The following MRPL9 variants were observed in gnomAD, a reference collection of about 807,000 sequenced individuals.
The protein encoded by MRPL9 is large ribosomal subunit protein bL9m.
MRPL9 carries 25 observed loss-of-function variants against 27.6 expected under a neutral mutation model. The observed-to-expected ratio is 0.91, with a 90% CI of 0.66 to 1.27. The LOEUF (loss-of-function observed/expected upper bound fraction) is 1.27, where lower values mean the gene tolerates loss of function less well. Ranked by LOEUF, MRPL9 falls within the 50% of genes most tolerant of loss-of-function variation. MRPL9 has a pLI of 0.00. For synonymous variants in MRPL9, 154 were observed against 139.0 expected (o/e 1.11, Z -0.76); for missense variants, 362 against 338.0 (o/e 1.07, Z -0.56).
rs753071099 is a variant in MRPL9 at position 151,763,071 on chromosome 1, G to A, written c.229C>T (p.His77Tyr). 2 of 1,614,110 alleles carry A rather than the reference G, an allele frequency of 1.2e-6. No individual in the cohort carries two copies. Reference protein sequence around the residue: ...EGRKPRLHRRHRVYKLVEDTK... With the variant: ...EGRKPRLHRRYRVYKLVEDTK... ...TCCTCCACCAGCTTATAGACGCGAT[G>A]TCGCCGGTGCAGGCGCGGCTTCCGG... The change falls in exon 2 of 7, where the codon CAT becomes TAT. Residue 77 changes from histidine (H) to tyrosine (Y), a missense_variant. Physicochemically the swap from His to Tyr is moderately conservative, Grantham distance 83 (BLOSUM62 2). Transcript: ENST00000368830.
At chr1:151,760,783 G>T in intron 6 of MRPL9, 33 bp downstream of exon 6, 2 of 1,528,182 alleles carry the variant, frequency 1.3e-6, no homozygotes, top group Non-Finnish European at 8.8e-7. Flanking sequence ...AAAGGAGAAA[G>T]AAAAGAAAAA....
At position 151,760,134 on chromosome 1, in the gene MRPL9, A is replaced by C. The variant is rs144013605; in HGVS notation, c.720T>G (p.Phe240Leu). The C allele has an allele frequency of 7.4e-6, 12 of 1,614,052 alleles. No homozygotes were observed. The highest frequency in any genetic ancestry group is 1.0e-5 in the Non-Finnish European group (12 of 1,180,038). The change falls in exon 7 of 7, where the codon TTT (phenylalanine) becomes TTG (leucine). Residue 240 changes from phenylalanine to leucine, a missense_variant. Transcript: ENST00000368830. ...TATATCTTTTGGTCTTGGGCTTCTC[A>C]AAGTTCACGACAGACATAGGCACTC... Reference protein sequence around the residue: ...TVRVPMSVVNFEKPKTKRYKY... With the variant: ...TVRVPMSVVNLEKPKTKRYKY...
At chr1:151,761,021 G>T in intron 5 of MRPL9, 122 bp from the exon 6 acceptor site, 1 of 859,300 alleles carries the variant, frequency 1.2e-6, no homozygotes, top group Non-Finnish European at 1.7e-6. Flanking sequence ...GAATAAAACT[G>T]GGGTGTCTAC....
chr1:151,763,451 C>A lies in MRPL9; in HGVS notation c.29G>T (p.Gly10Val). The change falls in exon 1 of 7, where the codon GGC (glycine) becomes GTC (valine). Residue 10 changes from glycine (G) to valine (V), a missense_variant. Transcript: ENST00000368830. ...AGCGCCCGCCCGCAGCAGAGCTCTG[C>A]CCGGGGCCGTGACAACGGGCGCCGC... MAAPVVTAP[G>V]RALLRAGAGR... 1 of 1,573,558 alleles carries A rather than the reference C, an allele frequency of 6.4e-7. No homozygotes were observed. The highest frequency in any genetic ancestry group is 1.2e-5 in the South Asian group (1 of 86,352).
In MRPL9 at chr1:151,760,879, TG is replaced by T; in HGVS notation, c.608del (p.Pro203HisfsTer4). The T allele has an allele frequency of 6.6e-7, 1 of 1,520,158 alleles. No individual in the cohort carries two copies. The allele number at this position is 1,520,158 out of a possible 1,614,324, so 94.2% of individuals were successfully genotyped here. On this transcript the variant is annotated frameshift_variant, in exon 6 of 7. Transcript: ENST00000368830. LOFTEE classifies it high-confidence loss of function. Reference sequence around the variant, plus strand: ...GCTCTTCTGGTAACTTTAATGTATGTGGGGCAACCACAACACCAAGCTGCAA... The same window carrying T: ...GCTCTTCTGGTAACTTTAATGTATGTGGGCAACCACAACACCAAGCTGCAA... ...FFKNLGVVVA[P>X]HTLKLPEEPI...
In MRPL9 at chr1:151,760,262, T is replaced by C. The variant is rs552675370; in HGVS notation, c.673-81A>G. 40 of 1,567,524 alleles carry C rather than the reference T, an allele frequency of 2.6e-5. No individual in the cohort carries two copies. In the South Asian group the frequency reaches 4.3e-4, roughly 17 times the overall value. On this transcript the variant is annotated intron_variant, in intron 6 of 6. Coordinates refer to ENST00000368830, the MANE Select transcript of MRPL9 (RefSeq NM_031420.4). ...ACCACCTAATCCCAGCTTTTCACCC[T>C]GACTTTTCTCCCAGTCAGAAAAAGG...
In MRPL9 at chr1:151,763,455, G is replaced by C; in HGVS notation, c.25C>G (p.Pro9Ala). 1 of 1,574,624 alleles carries C rather than the reference G, an allele frequency of 6.4e-7. No individual in the cohort carries two copies. The highest frequency in any genetic ancestry group is 8.6e-7 in the Non-Finnish European group (1 of 1,160,494). MAAPVVTAPGRALLRAGAG... is the reference protein window; with the variant it reads MAAPVVTAAGRALLRAGAG... The stretch of plus-strand genomic sequence containing the variant: ...CCCGCCCGCAGCAGAGCTCTGCCCG[G>C]GGCCGTGACAACGGGCGCCGCCATG... Residue 9 changes from proline to alanine, a missense_variant, in exon 1 of 7, where the codon CCG becomes GCG. Physicochemically the swap from Pro to Ala is conservative, Grantham distance 27. Coordinates refer to ENST00000368830, the MANE Select transcript of MRPL9 (RefSeq NM_031420.4).
Position 151,763,100 on chromosome 1 carries a change from T to C in MRPL9, c.200A>G (p.Glu67Gly), listed in dbSNP as rs7007. The C allele has an allele frequency of 0.15, 241,379 of 1,613,710 alleles. 18,598 individuals are homozygous for C. The highest frequency in any genetic ancestry group is 0.16 in the Non-Finnish European group (185,019 of 1,179,906). ...ERWWKVPLAG[E>G]GRKPRLHRRH... is the part of the protein sequence containing the mutation. ...CCGGTGCAGGCGCGGCTTCCGGCCCTCCCCGGCCAGCGGTACCTTCCACCA... is the reference window on the plus strand; with the variant it reads ...CCGGTGCAGGCGCGGCTTCCGGCCCCCCCCGGCCAGCGGTACCTTCCACCA... The change falls in exon 2 of 7, where the codon GAG becomes GGG. Residue 67 changes from glutamate to glycine, a missense_variant. Glu to Gly is a moderately conservative substitution (Grantham distance 98). Coordinates refer to ENST00000368830, the MANE Select transcript of MRPL9 (RefSeq NM_031420.4).
chr1:151,760,820 A>G lies in MRPL9; in HGVS notation c.668T>C (p.Val223Ala). Residue 223 changes from valine (V) to alanine (A), a missense_variant, in exon 6 of 7, where the codon GTG becomes GCG. Coordinates refer to ENST00000368830, the MANE Select transcript of MRPL9 (RefSeq NM_031420.4). ...ITRWGEYWCEVTVNGLDTVRV... is the reference protein window; with the variant it reads ...ITRWGEYWCEATVNGLDTVRV... ...GAAAGTATGCAAAACACTCACCGTC[A>G]CCTCACACCAATACTCGCCCCACCG... 3 of 1,576,674 alleles carry G rather than the reference A, an allele frequency of 1.9e-6. No individual in the cohort carries two copies. Among genetic ancestry groups the G allele is most frequent in the Admixed American group, 2.0e-5 (1 of 50,414 alleles).
At chr1:151,762,905 G>A (rs781691060) in intron 2 of MRPL9, 85 bp downstream of exon 2, 3 of 1,483,242 alleles carry the variant, frequency 2.0e-6, no homozygotes, top group Admixed American at 2.1e-5. Flanking sequence ...GAAAAAGCAA[G>A]GCAAATAGTT....
chr1:151,763,242 C>A, intron 1 of MRPL9, 85 bp downstream of exon 1: 2 of 1,533,384 alleles, frequency 1.3e-6, no homozygotes, highest in South Asian at 1.2e-5. Flanking sequence ...CCCGCCACCC[C>A]CACATCGGCC....
In MRPL9 at chr1:151,761,439, ACACT is replaced by A. The variant is rs530512719; in HGVS notation, c.588+8_588+11del. 2.1e-5 allele frequency: 33 copies of A among 1,603,616 alleles called. No individual in the cohort carries two copies. Among genetic ancestry groups the A allele is most frequent in the Non-Finnish European group, 2.6e-5 (31 of 1,170,546 alleles). ...CTCAGGGGTAGAGTGGTTTTTGGGA[ACACT>A]CACTCACATTCTTAAAGAAGTGGCG... On this transcript the variant is annotated splice_region_variant and intron_variant, in intron 5 of 6. Coordinates refer to ENST00000368830, the MANE Select transcript of MRPL9 (RefSeq NM_031420.4).
Position 151,760,904 on chromosome 1 carries a change from A to AAAAAAAAAAAAAAAAAC in MRPL9, c.589-6_589-5insGTTTTTTTTTTTTTTTT. The stretch of plus-strand genomic sequence containing the variant: ...TGGGGCAACCACAACACCAAGCTGC[A>AAAAAAAAAAAAAAAAAC]AAAAAAAAAAAAAAAAAAAAAATCT... On this transcript the variant is annotated splice_polypyrimidine_tract_variant and splice_region_variant and intron_variant, in intron 5 of 6. Coordinates refer to ENST00000368830, the MANE Select transcript of MRPL9 (RefSeq NM_031420.4). 2.3e-6 allele frequency: 1 copy of AAAAAAAAAAAAAAAAAC among 429,100 alleles called. No individual in the cohort carries two copies. Among genetic ancestry groups the AAAAAAAAAAAAAAAAAC allele is most frequent in the Non-Finnish European group, 3.2e-6 (1 of 315,388 alleles). The allele number at this position is 429,100 out of a possible 1,614,324, so 26.6% of individuals were successfully genotyped here.
chr1:151,762,231 T>C, intron 3 of MRPL9, 76 bp from the exon 4 acceptor site: 1 of 1,567,930 alleles, frequency 6.4e-7, no homozygotes, highest in South Asian at 1.1e-5. Context: ...ACTATTCCTA[T>C]GTTGGACATT....
chr1:151,761,620 A>T, intron 4 of MRPL9, 68 bp from the exon 5 acceptor site: 1 of 1,204,826 alleles, frequency 8.3e-7, no homozygotes, highest in Non-Finnish European at 1.2e-6. Flanking sequence ...ATGCAAGCCA[A>T]GCAAGATGGC....
Position 151,760,816 on chromosome 1 carries a change from C to G in MRPL9, c.672G>C (p.Thr224=). The G allele has an allele frequency of 6.4e-7, 1 of 1,571,282 alleles. No homozygotes were observed. The highest frequency in any genetic ancestry group is 1.4e-5 in the African/African-American group (1 of 71,278). The change falls in exon 6 of 7, where the codon ACG becomes ACC. Residue 224 remains threonine (T), a splice_region_variant and synonymous_variant. Coordinates refer to ENST00000368830, the MANE Select transcript of MRPL9 (RefSeq NM_031420.4). ...AAAAGAAAGTATGCAAAACACTCAC[C>G]GTCACCTCACACCAATACTCGCCCC... ...TRWGEYWCEV[T]VNGLDTVRVP... is the part of the protein sequence containing the mutation.
At chr1:151,762,009 G>A in intron 4 of MRPL9, 96 bp downstream of exon 4, 2 of 1,233,624 alleles carry the variant, frequency 1.6e-6, no homozygotes, top group East Asian at 4.6e-5. Flanking sequence ...CCACTCTTGG[G>A]TCTGCAATCA....
In MRPL9 at chr1:151,760,903, C is replaced by CAA. The variant is rs755031728; in HGVS notation, c.589-6_589-5dup. 0.11 allele frequency: 97,222 copies of CAA among 910,752 alleles called. 2,371 individuals are homozygous for CAA. Among genetic ancestry groups the CAA allele is most frequent in the African/African-American group, 0.21 (7,246 of 34,668 alleles). The allele number at this position is 910,752 out of a possible 1,614,324, so 56.4% of individuals were successfully genotyped here. On this transcript the variant is annotated splice_polypyrimidine_tract_variant and splice_region_variant and intron_variant, in intron 5 of 6. Coordinates refer to ENST00000368830, the MANE Select transcript of MRPL9 (RefSeq NM_031420.4). ...GTGGGGCAACCACAACACCAAGCTG[C>CAA]AAAAAAAAAAAAAAAAAAAAAAATC...
At position 151,761,435 on chromosome 1, in the gene MRPL9, G is replaced by C; in HGVS notation, c.588+16C>G. The C allele has an allele frequency of 6.3e-7, 1 of 1,577,368 alleles. No individual in the cohort carries two copies. Among genetic ancestry groups the C allele is most frequent in the Non-Finnish European group, 8.7e-7 (1 of 1,147,332 alleles). On this transcript the variant is annotated intron_variant, in intron 5 of 6. Transcript: ENST00000368830. ...CCACCTCAGGGGTAGAGTGGTTTTTGGGAACACTCACTCACATTCTTAAAG... is the reference window on the plus strand; with the variant it reads ...CCACCTCAGGGGTAGAGTGGTTTTTCGGAACACTCACTCACATTCTTAAAG...
Sources: allele counts gnomAD v4.1 joint callset, GRCh38; gene constraint gnomAD v4.1.1; transcripts MANE v1.5; gene names NCBI Gene and HGNC (gene_info 2026-07-23, HGNC 2026-07-21).